Variants in JAKMIP2 observed in about 807,000 individuals in gnomAD.
The protein encoded by JAKMIP2 is janus kinase and microtubule-interacting protein 2.
Under a neutral mutation model 115.0 loss-of-function variants are expected in JAKMIP2, and 25 were observed. That is an observed-to-expected ratio of 0.22 (90% confidence interval 0.16 to 0.30). The LOEUF is 0.30. Ranked by LOEUF, JAKMIP2 falls within the 10% of genes least tolerant of loss-of-function variation. JAKMIP2 has a pLI of 1.00. For missense variants in JAKMIP2, 642 were observed against 957.6 expected, an observed-to-expected ratio of 0.67 and a Z score of 4.35; for synonymous variants, 334 against 343.6, an observed-to-expected ratio of 0.97 and a Z score of 0.31.
chr5:147,769,380 A>C (rs540740292), intron 1 of JAKMIP2, among the ~76,000 whole-genome samples: 27 of 152,236 alleles, frequency 1.8e-4, no homozygotes, highest in African/African-American at 6.0e-4. Context: ...CTACCTCCTA[A>C]AGGGAAAAAG....
At chr5:147,622,542 G>C (rs1269399797) in intron 17 of JAKMIP2, among the ~76,000 whole-genome samples, 2 of 152,304 alleles carry the variant, frequency 1.3e-5, no homozygotes, top group South Asian at 4.1e-4. Flanking sequence ...ACTTAACGTA[G>C]TGTCCTGAAA....
chr5:147,668,317 C>T (rs1759402878), intron 2 of JAKMIP2, among the ~76,000 whole-genome samples: 3 of 152,178 alleles, frequency 2.0e-5, no homozygotes, highest in Admixed American at 2.0e-4. Flanking sequence ...CCTGGGGCAG[C>T]CCGTGGCATG....
chr5:147,704,021 C>A (rs1267860777), intron 1 of JAKMIP2, among the ~76,000 whole-genome samples: 4 of 152,098 alleles, frequency 2.6e-5, no homozygotes, highest in African/African-American at 9.7e-5. Context: ...TGTCTTCCAT[C>A]TCCACAGCCT....
chr5:147,731,042 A>G (rs1282450548), intron 1 of JAKMIP2, among the ~76,000 whole-genome samples: 1 of 152,188 alleles, frequency 6.6e-6, no homozygotes, highest in Non-Finnish European at 1.5e-5. Flanking sequence ...TAACAGAAGA[A>G]TTGAGGCCAA....
At chr5:147,766,023 T>C (rs1023340842) in intron 1 of JAKMIP2, among the ~76,000 whole-genome samples, 3 of 152,188 alleles carry the variant, frequency 2.0e-5, no homozygotes, top group African/African-American at 7.2e-5. Context: ...TAGCTAGATA[T>C]TAAAAACTTA....
intron 1 of JAKMIP2, among the ~76,000 whole-genome samples, chr5:147,683,416 C>T (rs1365568244): frequency 2.6e-5 from 4 of 152,040 alleles, no homozygotes; most frequent in South Asian, 2.1e-4. Context: ...CACTTGAACC[C>T]GGGAGGCGGA....
At chr5:147,653,540 C>G (rs1758518401) in intron 3 of JAKMIP2, among the ~76,000 whole-genome samples, 1 of 151,504 alleles carries the variant, frequency 6.6e-6, no homozygotes, top group African/African-American at 2.4e-5. Flanking sequence ...ATATACCTTG[C>G]CCACTTTTTG....
intron 1 of JAKMIP2, among the ~76,000 whole-genome samples, chr5:147,732,602 ATAC>A (rs1203284962): frequency 6.6e-6 from 1 of 152,242 alleles, no homozygotes; most frequent in African/African-American, 2.4e-5. Flanking sequence ...TAATGAGGTA[ATAC>A]TACTATTAAA....
chr5:147,760,055 C>T (rs1754879054), intron 1 of JAKMIP2, among the ~76,000 whole-genome samples: 1 of 152,044 alleles, frequency 6.6e-6, no homozygotes, highest in Admixed American at 6.6e-5. Context: ...AAGGACAGCT[C>T]TTCAAATTGG....
At chr5:147,731,755 A>C (rs1357849504) in intron 1 of JAKMIP2, among the ~76,000 whole-genome samples, 2 of 152,198 alleles carry the variant, frequency 1.3e-5, no homozygotes, top group Non-Finnish European at 2.9e-5. Context: ...AGACAACTGC[A>C]ACAAAAGTTT....
chr5:147,756,222 T>C (rs1432133589), intron 1 of JAKMIP2, among the ~76,000 whole-genome samples: 2 of 152,198 alleles, frequency 1.3e-5, no homozygotes, highest in Non-Finnish European at 2.9e-5. Context: ...GACTGAAGCA[T>C]CAGAGAGAAG....
Position 147,648,480 on chromosome 5 carries a change from A to G in JAKMIP2, c.838-6T>C, listed in dbSNP as rs1302806179. ...TTTTGATTTCTTCGCAAATCCTACA[A>G]AGAAAAATTAAAATGGGTATTTCTT... is the stretch of plus-strand genomic sequence containing the variant. On this transcript the variant is annotated splice_region_variant and splice_polypyrimidine_tract_variant and intron_variant, in intron 4 of 21. Transcript: ENST00000616793. 2 of 1,518,850 alleles carry G rather than the reference A, an allele frequency of 1.3e-6. No homozygotes were observed. The highest frequency in any genetic ancestry group is 1.4e-5 in the African/African-American group (1 of 73,004). The allele number at this position is 1,518,850 out of a possible 1,614,324, so 94.1% of individuals were successfully genotyped here.
chr5:147,659,852 T>C (rs1410876345), intron 3 of JAKMIP2, among the ~76,000 whole-genome samples: 2 of 152,148 alleles, frequency 1.3e-5, no homozygotes, highest in Admixed American at 1.3e-4. Flanking sequence ...ACAGTTACAC[T>C]CTATTGCAGT....
intron 1 of JAKMIP2, among the ~76,000 whole-genome samples, chr5:147,743,645 C>T (rs1754232825): frequency 6.6e-6 from 1 of 152,162 alleles, no homozygotes; most frequent in Non-Finnish European, 1.5e-5. Flanking sequence ...GTGAATGCTC[C>T]ACAGTAGTGA....
intron 19 of JAKMIP2, among the ~76,000 whole-genome samples, chr5:147,617,209 G>A (rs957873901): frequency 8.5e-5 from 13 of 152,108 alleles, no homozygotes; most frequent in Non-Finnish European, 1.9e-4. Context: ...CATGGATGAC[G>A]GTACAATACA....
rs1201768387 is a variant in JAKMIP2 at position 147,586,248 on chromosome 5, T to C, written c.*5459A>G. 1.3e-5 allele frequency: 2 copies of C among 152,158 alleles called. No individual in the cohort carries two copies. Among genetic ancestry groups the C allele is most frequent in the Non-Finnish European group, 2.9e-5 (2 of 68,034 alleles). The allele number at this position is 152,158 out of a possible 1,614,324, so 9.4% of individuals were successfully genotyped here. A position where few individuals can be genotyped will look rare whatever the true frequency, so the allele number is the denominator to read the frequency against. ...GCATCCTAGAACAGAAGTACACGTTTAGTAAGCGCTCACACCATCATACTA... is the reference window on the plus strand; with the variant it reads ...GCATCCTAGAACAGAAGTACACGTTCAGTAAGCGCTCACACCATCATACTA... On this transcript the variant is annotated 3_prime_UTR_variant, in exon 22 of 22. Coordinates refer to ENST00000616793, the MANE Select transcript of JAKMIP2 (RefSeq NM_001270941.2).
chr5:147,709,456 A>C (rs1237414646), intron 1 of JAKMIP2, among the ~76,000 whole-genome samples: 1 of 152,176 alleles, frequency 6.6e-6, no homozygotes, highest in African/African-American at 2.4e-5. Flanking sequence ...ATATATACTG[A>C]TGTATACAGT....
At position 147,779,151 on chromosome 5, in the gene JAKMIP2, C is replaced by T. The variant is rs1333644946; in HGVS notation, c.-149+3305G>A. ...TAGACTCTCCAAATATTGCCTAAGT[C>T]ATCCTGAAGCGGACTTGTAGCAGGC... is the stretch of plus-strand genomic sequence containing the variant. On this transcript the variant is annotated intron_variant, in intron 1 of 21. Transcript: ENST00000616793. 2.6e-5 allele frequency among the ~76,000 whole-genome samples: 4 copies of T among 152,088 alleles called. No individual in the cohort carries two copies. The East Asian group carries it at 5.8e-4, about 22-fold the overall frequency.
rs138577792 is a variant in JAKMIP2, at chr5:147,650,368, T to G, written c.807A>C (p.Ala269=). ...TGCTGCAGTGTTCGGAACCATCACC[T>G]GCCCTTCCTGGAATTTCTCGTTTTG... is the stretch of plus-strand genomic sequence containing the variant. ...SSPKREIPGR[A]GDGSEHCSSP... Residue 269 remains alanine, a synonymous_variant, in exon 4 of 22, where the codon GCA becomes GCC. Coordinates refer to ENST00000616793, the MANE Select transcript of JAKMIP2 (RefSeq NM_001270941.2). 68 of 1,613,178 alleles carry G rather than the reference T, an allele frequency of 4.2e-5. No individual in the cohort carries two copies. In the African/African-American group the frequency reaches 7.2e-4, roughly 17 times the overall value.
Sources: allele counts gnomAD v4.1 joint callset (sites outside exome capture counted in the v4.1 genomes callset), GRCh38; gene constraint gnomAD v4.1.1; transcripts MANE v1.5; gene names NCBI Gene and HGNC (gene_info 2026-07-23, HGNC 2026-07-21).